OGDHL: variants seen among roughly 807,000 people sequenced by gnomAD.
OGDHL encodes 2-oxoglutarate dehydrogenase-like, mitochondrial.
A neutral mutation model predicts 109.6 loss-of-function variants in OGDHL; 79 were observed. That is an observed-to-expected ratio of 0.72 (90% CI 0.60 to 0.87). OGDHL has a LOEUF of 0.87. Among genes scored for constraint, OGDHL ranks in the 40% least tolerant of loss-of-function variants. OGDHL has a pLI of 0.00. For missense variants in OGDHL, 1,275 were observed against 1,362.2 expected (o/e 0.94, Z 1.01); for synonymous variants, 528 against 537.2 (o/e 0.98, Z 0.24).
intron 1 of OGDHL, among the ~76,000 whole-genome samples, chr10:49,761,880 A>C (rs776867411): frequency 8.5e-5 from 13 of 152,070 alleles, no homozygotes; most frequent in Non-Finnish European, 1.5e-4. Flanking sequence ...GACCCTCCCC[A>C]TCCCCCGCAC....
At chr10:49,752,302 C>A in intron 4 of OGDHL, 54 bp from the exon 5 acceptor site, 2 of 1,385,766 alleles carry the variant, frequency 1.4e-6, no homozygotes, top group South Asian at 1.2e-5. Flanking sequence ...GGAGGGAGGT[C>A]AGGCCCAGGT....
chr10:49,761,504 C>T (rs1269168775), intron 1 of OGDHL, among the ~76,000 whole-genome samples: 1 of 152,262 alleles, frequency 6.6e-6, no homozygotes, highest in Non-Finnish European at 1.5e-5. Flanking sequence ...ACCCCACTTT[C>T]TGAGAAGCAG....
chr10:49,744,507 G>A (rs553800023), intron 13 of OGDHL, 143 bp downstream of exon 13: 60 of 657,110 alleles, frequency 9.1e-5, no homozygotes, highest in Middle Eastern at 4.1e-4. Context: ...TCGGCCCCAC[G>A]CAGCTTTGGG....
rs777416091 is a variant in OGDHL at position 49,744,020 on chromosome 10, G to C, written c.1835C>G (p.Pro612Arg). The part of the protein sequence containing the change: ...THIGSVASSV[P>R]LEDFKIHTGL... ...AGTGTGGATCTTAAAGTCCTCCAGG[G>C]GCACAGAGCTGGCCACACTGCCGAT... Residue 612 changes from proline to arginine, a missense_variant, in exon 14 of 23, where the codon CCC becomes CGC. Physicochemically the swap from Pro to Arg is moderately radical, Grantham distance 103. Coordinates refer to ENST00000374103, the MANE Select transcript of OGDHL (RefSeq NM_018245.3). The C allele has an allele frequency of 1.9e-6, 3 of 1,613,474 alleles. No individual in the cohort carries two copies. Among genetic ancestry groups the C allele is most frequent in the Admixed American group, 3.3e-5 (2 of 59,956 alleles).
chr10:49,752,617 C>T (rs773274284), intron 4 of OGDHL, 21 bp downstream of exon 4: 32 of 1,594,924 alleles, frequency 2.0e-5, no homozygotes, highest in Non-Finnish European at 2.7e-5. Flanking sequence ...CTGCCATGGC[C>T]GTCCTGAGGA....
At chr10:49,761,994 G>A (rs1021546791) in intron 1 of OGDHL, among the ~76,000 whole-genome samples, 2 of 152,156 alleles carry the variant, frequency 1.3e-5, no homozygotes. Flanking sequence ...CTCTGCGCAG[G>A]ACCCTGGACT....
At position 49,740,767 on chromosome 10, in the gene OGDHL, G is replaced by A. The variant is rs753171776; in HGVS notation, c.2083C>T (p.Pro695Ser). The change falls in exon 16 of 23, where the codon CCT becomes TCT. Residue 695 changes from proline (P) to serine (S), a missense_variant. By Grantham distance (74) the Pro-to-Ser change is moderately conservative. Transcript: ENST00000374103. ...CACACGGTGTACGGGGCCTGGTCAG[G>A]CCAGAGATGATTCATAGGCACACAC... ...RTCVPMNHLW[P>S]DQAPYTVCNS... The A allele has an allele frequency of 3.7e-6, 6 of 1,613,928 alleles. No individual in the cohort carries two copies. In the South Asian group the frequency reaches 6.6e-5, roughly 18 times the overall value.
rs1419952026 is a variant in OGDHL at position 49,746,793 on chromosome 10, G to A, written c.1253C>T (p.Ser418Phe). 1.9e-6 allele frequency: 3 copies of A among 1,614,084 alleles called. No homozygotes were observed. The highest frequency in any genetic ancestry group is 3.3e-5 in the Admixed American group (2 of 60,002). ...YETFHLSDLP[S>F]YTTNGTVHVV... ...GTGCACGGTACCATTGGTCGTGTAG[G>A]AGGGCAGGTCGCTCAGGTGGAAGGT... Residue 418 changes from serine to phenylalanine, a missense_variant, in exon 10 of 23, where the codon TCC (serine) becomes TTC (phenylalanine). By Grantham distance (155) the Ser-to-Phe change is radical. Transcript: ENST00000374103.
In OGDHL at chr10:49,748,013, C is replaced by A. The variant is rs191389600; in HGVS notation, c.988-805G>T. Among the ~76,000 whole-genome samples the A allele has an allele frequency of 3.0e-3, 457 of 151,936 alleles. 9 individuals carry two copies. Among genetic ancestry groups the A allele is most frequent in the Non-Finnish European group, 1.2e-3 (80 of 67,914 alleles). ...CGGCAAAGATGAAAGGATTCGAGAG[C>A]GTGTAGGAGGAAGTGGGGTGGGGGC... On this transcript the variant is annotated intron_variant, in intron 8 of 22. Coordinates refer to ENST00000374103, the MANE Select transcript of OGDHL (RefSeq NM_018245.3).
At chr10:49,738,531 C>A (rs1841394196) in intron 17 of OGDHL, 3 of 502,194 alleles carry the variant, frequency 6.0e-6, no homozygotes, top group Admixed American at 6.6e-5. Flanking sequence ...CGTGCTTTCT[C>A]TGGAATGTCC....
intron 5 of OGDHL, 56 bp downstream of exon 5, chr10:49,752,077 C>T (rs1023422098): frequency 1.2e-6 from 2 of 1,609,670 alleles, no homozygotes; most frequent in Non-Finnish European, 1.7e-6. Context: ...TTCCCGTCCT[C>T]TGGCAAGCTC....
At chr10:49,738,879 A>T (rs1383471177) in intron 17 of OGDHL, 1 of 153,142 alleles carries the variant, frequency 6.5e-6, no homozygotes, top group Admixed American at 6.5e-5. Context: ...CTTGGTGGGG[A>T]CGGCCAAGGA....
chr10:49,744,007 A>G lies in OGDHL; in HGVS notation c.1848T>C (p.Phe616=), dbSNP rs780791058. The change falls in exon 14 of 23, where the codon TTT becomes TTC. Residue 616 remains phenylalanine (F), a synonymous_variant. Transcript: ENST00000374103. ...SVASSVPLED[F]KIHTGLSRIL... is the part of the protein sequence containing the mutation. ...CAGCAACCTCACCAGTGTGGATCTT[A>G]AAGTCCTCCAGGGGCACAGAGCTGG... is the stretch of plus-strand genomic sequence containing the variant. 18 of 1,613,062 alleles carry G rather than the reference A, an allele frequency of 1.1e-5. No individual in the cohort carries two copies. In the South Asian group the frequency reaches 1.9e-4, roughly 17 times the overall value.
intron 8 of OGDHL, among the ~76,000 whole-genome samples, chr10:49,748,992 T>G (rs761398947): frequency 5.9e-5 from 9 of 152,146 alleles, no homozygotes; most frequent in Non-Finnish European, 1.2e-4. Flanking sequence ...GCAGATCACC[T>G]GAGGCCAGGA....
At chr10:49,755,648 C>G (rs1015313140) in intron 3 of OGDHL, among the ~76,000 whole-genome samples, 1 of 152,158 alleles carries the variant, frequency 6.6e-6, no homozygotes, top group Non-Finnish European at 1.5e-5. Context: ...CTGGTGGGAG[C>G]TCATCCACAC....
At position 49,744,181 on chromosome 10, in the gene OGDHL, C is replaced by A. The variant is rs1008910648; in HGVS notation, c.1733-59G>T. ...CAGTGGTGGGTTCTGATCCCCCTGG[C>A]CAGCCTGCCTCCCCAGGACTGAGTG... On this transcript the variant is annotated intron_variant, in intron 13 of 22. Transcript: ENST00000374103. The A allele has an allele frequency of 2.6e-5, 42 of 1,588,862 alleles. No homozygotes were observed. In the African/African-American group the frequency reaches 5.2e-4, roughly 20 times the overall value.
chr10:49,760,565 G>C (rs1843208107), intron 1 of OGDHL, among the ~76,000 whole-genome samples: 1 of 152,218 alleles, frequency 6.6e-6, no homozygotes, highest in South Asian at 2.1e-4. Flanking sequence ...CCAGTCTATG[G>C]CAAAGGAAAC....
At position 49,736,242 on chromosome 10, in the gene OGDHL, C is replaced by T. The variant is rs1404915801; in HGVS notation, c.2755-65G>A. On this transcript the variant is annotated intron_variant, in intron 21 of 22. Transcript: ENST00000374103. ...GCGGTATGTCCCCAGCACCCCCGGA[C>T]AGGAGGCACAGGGCCTCACCGGCCT... 1.9e-6 allele frequency: 3 copies of T among 1,571,780 alleles called. 1 individual carries two copies.
chr10:49,742,382 CA>C (rs1258056516), intron 15 of OGDHL, among the ~76,000 whole-genome samples: 7 of 1,260 alleles, frequency 5.6e-3, no homozygotes, highest in Non-Finnish European at 8.1e-3. Context: ...CACAAATACA[CA>C]CCACACCCCC....
Sources: allele counts gnomAD v4.1 joint callset (sites outside exome capture counted in the v4.1 genomes callset), GRCh38; gene constraint gnomAD v4.1.1; transcripts MANE v1.5; gene names NCBI Gene and HGNC (gene_info 2026-07-23, HGNC 2026-07-21).